CPSF6: variants seen among roughly 807,000 people sequenced by gnomAD.
CPSF6 encodes cleavage and polyadenylation specific factor 6.
CPSF6 carries 10 observed loss-of-function variants against 56.7 expected under a neutral mutation model. The ratio of observed to expected loss-of-function variants is 0.18; its 90% CI spans 0.11 to 0.30. The LOEUF (loss-of-function observed/expected upper bound fraction) is 0.30, where lower values mean the gene tolerates loss of function less well. Among genes scored for constraint, CPSF6 ranks in the 10% least tolerant of loss-of-function variants. The pLI is 1.00. For synonymous variants in CPSF6, 248 were observed against 244.8 expected (o/e 1.01, Z -0.12); for missense variants, 419 against 722.9 (o/e 0.58, Z 4.82).
chr12:69,255,089 G>A (rs538174514), intron 3 of CPSF6: 2 of 152,136 alleles, frequency 1.3e-5, no homozygotes, highest in Non-Finnish European at 2.9e-5. Context: ...AACTGCTAAC[G>A]TGCTCTGGAT....
chr12:69,265,537 A>G (rs1872934160), intron 9 of CPSF6, among the ~76,000 whole-genome samples: 1 of 151,196 alleles, frequency 6.6e-6, no homozygotes, highest in Non-Finnish European at 1.5e-5. Context: ...ATCATCCATG[A>G]CAATTTTTAA....
intron 9 of CPSF6, 141 bp from the exon 10 acceptor site, chr12:69,269,371 G>GT: frequency 3.5e-6 from 1 of 285,494 alleles, no homozygotes; most frequent in South Asian, 3.0e-5. Context: ...GGCAGCTACT[G>GT]TTTCAGTTAA....
In CPSF6 at chr12:69,273,044, C is replaced by T. The variant is rs1271505390; in HGVS notation, c.*3536C>T. 1 of 266,856 alleles carries T rather than the reference C, an allele frequency of 3.7e-6. No individual in the cohort carries two copies. 16.5% of individuals were successfully genotyped at this position (266,856 alleles called of 1,614,324 possible). ...TATTAAGATGTGGCCTTACATATGG[C>T]ATTCCTTGTGTTCGTAATGTGAGAT... On this transcript the variant is annotated 3_prime_UTR_variant, in exon 10 of 10. Coordinates refer to ENST00000435070, the MANE Select transcript of CPSF6 (RefSeq NM_007007.3).
chr12:69,249,701 C>T (rs1872130740), intron 1 of CPSF6, among the ~76,000 whole-genome samples: 1 of 152,138 alleles, frequency 6.6e-6, no homozygotes, highest in Non-Finnish European at 1.5e-5. Context: ...CTTAGTCAAG[C>T]TTATGGTCTA....
intron 1 of CPSF6, among the ~76,000 whole-genome samples, chr12:69,241,969 G>A (rs1871646147): frequency 6.7e-6 from 1 of 150,254 alleles, no homozygotes; most frequent in Non-Finnish European, 1.5e-5. Flanking sequence ...GTTATTTTCA[G>A]AGCTTATCTT....
chr12:69,247,152 G>A (rs1243690555), intron 1 of CPSF6, among the ~76,000 whole-genome samples: 1 of 152,162 alleles, frequency 6.6e-6, no homozygotes, highest in African/African-American at 2.4e-5. Flanking sequence ...CTTCTTGAAG[G>A]GAGGGAGGAG....
At chr12:69,262,119 G>C (rs891322888) in intron 8 of CPSF6, among the ~76,000 whole-genome samples, 1 of 103,956 alleles carries the variant, frequency 9.6e-6, no homozygotes, top group African/African-American at 3.5e-5. Context: ...TAGGCTACTA[G>C]TTTAATAGAT....
chr12:69,242,237 C>T (rs985999107), intron 1 of CPSF6, among the ~76,000 whole-genome samples: 3 of 152,056 alleles, frequency 2.0e-5, no homozygotes, highest in African/African-American at 7.2e-5. Flanking sequence ...GTGTAAACTG[C>T]AGTTCTCATT....
At chr12:69,240,114 A>G (rs1312188321) in intron 1 of CPSF6, among the ~76,000 whole-genome samples, 6 of 150,138 alleles carry the variant, frequency 4.0e-5, no homozygotes, top group Non-Finnish European at 1.5e-5. Flanking sequence ...CGGAGGAGGA[A>G]GCCCTGGCGG....
chr12:69,245,489 A>G (rs1871851314), intron 1 of CPSF6, among the ~76,000 whole-genome samples: 1 of 152,236 alleles, frequency 6.6e-6, no homozygotes, highest in African/African-American at 2.4e-5. Flanking sequence ...GGCTTTAGGC[A>G]TCCACTGGGG....
chr12:69,266,027 GAAA>G lies in CPSF6; in HGVS notation c.*4-3472_*4-3470del, dbSNP rs10556524. Reference sequence around the variant, plus strand: ...AGCTTATTAGCTTTGTGTTAATTTTGAAAAAAAAAAAAAAAGCCAAAAGAATAA... The same window carrying G: ...AGCTTATTAGCTTTGTGTTAATTTTGAAAAAAAAAAAAGCCAAAAGAATAA... On this transcript the variant is annotated intron_variant, in intron 9 of 9. Coordinates refer to ENST00000435070, the MANE Select transcript of CPSF6 (RefSeq NM_007007.3). 1.3e-3 allele frequency among the ~76,000 whole-genome samples: 173 copies of G among 132,764 alleles called. 2 individuals carry two copies. In the East Asian group the frequency reaches 0.02, roughly 16 times the overall value. 87.1% of individuals were successfully genotyped at this position (132,764 alleles called of 152,430 possible).
At chr12:69,249,168 GGCTGA>G (rs1872094468) in intron 1 of CPSF6, among the ~76,000 whole-genome samples, 1 of 33,874 alleles carries the variant, frequency 3.0e-5, no homozygotes. Context: ...GGGGGGGGGG[GGCTGA>G]GGCAGGAGAA....
At chr12:69,259,595 C>G in intron 7 of CPSF6, 52 bp downstream of exon 7, 1 of 1,466,674 alleles carries the variant, frequency 6.8e-7, no homozygotes, top group Non-Finnish European at 9.3e-7. Context: ...TAGGAATGAC[C>G]TAAAAATGTA....
In CPSF6 at chr12:69,258,275, T is replaced by G; in HGVS notation, c.695-315T>G. On this transcript the variant is annotated intron_variant, in intron 5 of 9. Transcript: ENST00000435070. This position sits in a 1 kb window ranked among gnomAD's most constrained non-coding sequence, Gnocchi z 4.2. ...TTCACTTTCTAGCTTGGCATCAGAGTAGAATATAAGGTGGGTGATTTCACT... is the reference window on the plus strand; with the variant it reads ...TTCACTTTCTAGCTTGGCATCAGAGGAGAATATAAGGTGGGTGATTTCACT... 1.5e-6 allele frequency: 1 copy of G among 657,570 alleles called. No homozygotes were observed. The highest frequency in any genetic ancestry group is 2.6e-6 in the Non-Finnish European group (1 of 391,234). 40.7% of individuals were successfully genotyped at this position (657,570 alleles called of 1,614,324 possible). A position where few individuals can be genotyped will look rare whatever the true frequency, so the allele number is the denominator to read the frequency against.
intron 8 of CPSF6, among the ~76,000 whole-genome samples, chr12:69,261,411 T>C (rs548470204): frequency 6.6e-6 from 1 of 151,506 alleles, no homozygotes; most frequent in South Asian, 2.1e-4. Context: ...AAAAAAATTT[T>C]AAAAATATCT....
chr12:69,254,245 A>G (rs1872395914), intron 3 of CPSF6, among the ~76,000 whole-genome samples: 3 of 151,904 alleles, frequency 2.0e-5, no homozygotes, highest in Non-Finnish European at 2.9e-5. Flanking sequence ...ATTCTTTACC[A>G]TTGTCTACAA....
At chr12:69,251,404 G>A in intron 2 of CPSF6, 66 bp downstream of exon 2, 1 of 1,048,616 alleles carries the variant, frequency 9.5e-7, no homozygotes, top group Non-Finnish European at 1.4e-6. Flanking sequence ...AGTAATTAAT[G>A]TTTTTCTCCA....
chr12:69,251,478 A>C (rs1282646588), intron 2 of CPSF6, 140 bp downstream of exon 2: 2 of 542,486 alleles, frequency 3.7e-6, no homozygotes. Flanking sequence ...ATGAGGAGGG[A>C]AATACAAATA....
chr12:69,263,356 A>AT (rs1011826504), intron 9 of CPSF6, among the ~76,000 whole-genome samples: 5 of 151,936 alleles, frequency 3.3e-5, no homozygotes, highest in Admixed American at 6.6e-5. Flanking sequence ...TCTTGTGTAC[A>AT]TTTTTCATGA....
Sources: allele counts gnomAD v4.1 joint callset (sites outside exome capture counted in the v4.1 genomes callset), GRCh38; gene constraint gnomAD v4.1.1; non-coding constraint Gnocchi (gnomAD v3.1); transcripts MANE v1.5; gene names NCBI Gene and HGNC (gene_info 2026-07-23, HGNC 2026-07-21).